The following SAGE1 variants were observed in gnomAD, a reference collection of about 807,000 sequenced individuals.
The protein encoded by SAGE1 is sarcoma antigen 1, also known as cancer/testis antigen 14.
Under a neutral mutation model 55.4 loss-of-function variants are expected in SAGE1, and 55 were observed. The ratio of observed to expected loss-of-function variants is 0.99; its 90% confidence interval spans 0.80 to 1.24. The LOEUF is 1.24. SAGE1 is among the 50% of genes most tolerant of loss of function. The pLI, the probability that SAGE1 is intolerant of heterozygous loss-of-function variation, is 0.00. For missense variants in SAGE1, 710 were observed against 704.4 expected, an observed-to-expected ratio of 1.01 and a Z score of -0.09; for synonymous variants, 240 against 244.3, an observed-to-expected ratio of 0.98 and a Z score of 0.17.
intron 19 of SAGE1, 49 bp from the exon 20 acceptor site, chrX:135,912,747 CAT>C (rs782156863): frequency 8.4e-7 from 1 of 1,191,296 alleles, no homozygotes; most frequent in Admixed American, 2.3e-5. Flanking sequence ...TCTTACATCT[CAT>C]AGATCCTGTA....
At chrX:135,896,405 A>G in intron 2 of SAGE1, 76 bp downstream of exon 2, 3 of 679,693 alleles carry the variant, frequency 4.4e-6, no homozygotes. Context: ...AAAGATGAAT[A>G]TAAACTATAT....
chrX:135,904,988 G>A (rs2088759492), intron 4 of SAGE1, among the ~76,000 whole-genome samples: 1 of 111,610 alleles, frequency 9.0e-6, no homozygotes, highest in South Asian at 3.9e-4. Flanking sequence ...TTCCAGCGAT[G>A]AGTACCAGGG....
At position 135,908,932 on chromosome X, in the gene SAGE1, A is replaced by C. The variant is rs1556604263; in HGVS notation, c.1510A>C (p.Ile504Leu). ...TGGCAAACCCCAAACTGATAAGGTC[A>C]TATCAAATGATGCACCACAGCTTGG... ...ESGKPQTDKV[I>L]SNDAPQLGHM... Residue 504 changes from isoleucine (I) to leucine (L), a missense_variant, in exon 13 of 20, where the codon ATA (isoleucine) becomes CTA (leucine). Coordinates refer to ENST00000370709, the MANE Select transcript of SAGE1 (RefSeq NM_001381902.1). 8.3e-7 allele frequency: 1 copy of C among 1,207,809 alleles called. No individual in the cohort carries two copies.
chrX:135,903,520 G>A (rs1212504199), intron 3 of SAGE1, among the ~76,000 whole-genome samples: 2 of 112,847 alleles, frequency 1.8e-5, no homozygotes, highest in Non-Finnish European at 3.7e-5. Flanking sequence ...AAATGAAAGA[G>A]GCGTCAGACC....
At position 135,908,589 on chromosome X, in the gene SAGE1, T is replaced by TA; in HGVS notation, c.1414dup (p.Ile472AsnfsTer19). 1 of 1,203,127 alleles carries TA rather than the reference T, an allele frequency of 8.3e-7. No individual in the cohort carries two copies. Among genetic ancestry groups the TA allele is most frequent in the Non-Finnish European group, 1.1e-6 (1 of 891,802 alleles). ...GGCTTATTAATATGGCAGGAGCTAGTATTCCAGCAATGAGTTCCAGGGATC... is the reference window on the plus strand; with the variant it reads ...GGCTTATTAATATGGCAGGAGCTAGTAATTCCAGCAATGAGTTCCAGGGATC... On this transcript the variant is annotated frameshift_variant, in exon 12 of 20. Transcript: ENST00000370709. LOFTEE classifies it high-confidence loss of function.
At chrX:135,906,803 G>A in intron 7 of SAGE1, 123 bp from the exon 8 acceptor site, 1 of 962,107 alleles carries the variant, frequency 1.0e-6, no homozygotes. Flanking sequence ...GTCTCGTATG[G>A]CAACCTGGTA....
At chrX:135,894,550 T>A (rs1427694972) in intron 1 of SAGE1, among the ~76,000 whole-genome samples, 1 of 111,642 alleles carries the variant, frequency 9.0e-6, no homozygotes, top group African/African-American at 3.3e-5. Flanking sequence ...TCTATTTTTC[T>A]TGGTCAGTCA....
Position 135,910,450 on chromosome X carries a change from A to T in SAGE1, c.1900A>T (p.Ile634Leu), listed in dbSNP as rs193225560. The change falls in exon 16 of 20, where the codon ATA (isoleucine) becomes TTA (leucine). Residue 634 changes from isoleucine to leucine, a missense_variant. Ile to Leu is a conservative substitution (Grantham distance 5). Coordinates refer to ENST00000370709, the MANE Select transcript of SAGE1 (RefSeq NM_001381902.1). ...AVTHNIREEKINNSQPAPGNI... is the reference protein window; with the variant it reads ...AVTHNIREEKLNNSQPAPGNI... ...CACTCACAACATCCGTGAAGAGAAG[A>T]TAAATAACAGCCAACCAGCACCTGG... 8.3e-7 allele frequency: 1 copy of T among 1,209,078 alleles called. No individual in the cohort carries two copies. The highest frequency in any genetic ancestry group is 1.1e-6 in the Non-Finnish European group (1 of 894,514).
intron 2 of SAGE1, among the ~76,000 whole-genome samples, chrX:135,900,552 T>C (rs1556595918): frequency 9.0e-6 from 1 of 111,177 alleles, no homozygotes; most frequent in African/African-American, 3.3e-5. Flanking sequence ...TGGAATAGTT[T>C]CGGTAGTAAT....
chrX:135,908,548 T>C lies in SAGE1; in HGVS notation c.1372T>C (p.Ser458Pro), dbSNP rs782254396. 30 of 1,206,213 alleles carry C rather than the reference T, an allele frequency of 2.5e-5. No individual in the cohort carries two copies. The highest frequency in any genetic ancestry group is 3.2e-5 in the Non-Finnish European group (29 of 892,785). ...CCAACGAAAACAGGATAACGTCTTG[T>C]CAAATGTTCTATCCGGGCTTATTAA... ...NGQRKQDNVL[S>P]NVLSGLINMA... Residue 458 changes from serine (S) to proline (P), a missense_variant, in exon 12 of 20, where the codon TCA becomes CCA. By Grantham distance (74) the Ser-to-Pro change is moderately conservative. Transcript: ENST00000370709.
rs781809181 is a variant in SAGE1 at position 135,911,510 on chromosome X, G to A, written c.2147-69G>A. On this transcript the variant is annotated intron_variant, in intron 17 of 19. Coordinates refer to ENST00000370709, the MANE Select transcript of SAGE1 (RefSeq NM_001381902.1). ...GATAACTCCCTAGAAACTGGGCATC[G>A]GAGGGATATACTGTGGGGGTGACAT... The A allele has an allele frequency of 5.6e-5, 52 of 923,434 alleles. No homozygotes were observed. In the South Asian group the frequency reaches 1.1e-3, roughly 20 times the overall value. 76.1% of individuals were successfully genotyped at this position (923,434 alleles called of 1,213,427 possible).
chrX:135,907,384 T>C lies in SAGE1; in HGVS notation c.949T>C (p.Ser317Pro). 1.7e-6 allele frequency: 2 copies of C among 1,205,973 alleles called. No homozygotes were observed. Among genetic ancestry groups the C allele is most frequent in the South Asian group, 1.8e-5 (1 of 56,596 alleles). Residue 317 changes from serine to proline, a missense_variant, in exon 9 of 20, where the codon TCA becomes CCA. Transcript: ENST00000370709. The part of the protein sequence containing the change: ...NDQPQPNNVL[S>P]TVQPVIIYLT... ...CCAACCGCAACCTAATAACGTATTG[T>C]CAACTGTTCAACCAGTGATTATTTA...
rs1446354685 is a variant in SAGE1, at chrX:135,909,795, C to G, written c.1723+16C>G. On this transcript the variant is annotated intron_variant, in intron 14 of 19. Transcript: ENST00000370709. ...AGGGATCAGTGTATGTTTGCTTATT[C>G]AGTTGTACTGTCCTACTTGGTTTTC... 6.8e-6 allele frequency: 8 copies of G among 1,173,363 alleles called. No individual in the cohort carries two copies. The highest frequency in any genetic ancestry group is 9.2e-6 in the Non-Finnish European group (8 of 873,870).
chrX:135,905,142 T>C, intron 4 of SAGE1, 110 bp from the exon 5 acceptor site: 2 of 717,561 alleles, frequency 2.8e-6, no homozygotes, highest in East Asian at 6.5e-5. Flanking sequence ...TATGATGTAT[T>C]CTCCTGCATT....
chrX:135,912,259 T>C, intron 18 of SAGE1, 62 bp from the exon 19 acceptor site: 1 of 1,162,634 alleles, frequency 8.6e-7, no homozygotes, highest in Non-Finnish European at 1.1e-6. Flanking sequence ...GTGGATGCAC[T>C]AAGATTGAGG....
chrX:135,912,179 TGTC>T (rs2088910257), intron 18 of SAGE1, 139 bp from the exon 19 acceptor site: 3 of 1,092,341 alleles, frequency 2.7e-6, no homozygotes, highest in East Asian at 6.6e-5. Flanking sequence ...AATATACAGA[TGTC>T]GTGATTTAAG....
chrX:135,905,480 A>C, intron 5 of SAGE1, 88 bp downstream of exon 5: 1 of 923,984 alleles, frequency 1.1e-6, no homozygotes, highest in African/African-American at 1.9e-5. Context: ...TTTGTTGCAT[A>C]TACTTTCCTA....
intron 11 of SAGE1, 36 bp downstream of exon 11, chrX:135,908,265 T>C (rs782400144): frequency 2.0e-5 from 23 of 1,154,699 alleles, no homozygotes; most frequent in Non-Finnish European, 2.7e-5. Flanking sequence ...TCCTACTTGG[T>C]TTCCATATGA....
chrX:135,900,517 T>A lies in SAGE1; in HGVS notation c.88-1042T>A, dbSNP rs189277891. ...TGCTGGTCTCATAAAATGAGTTAGG[T>A]AGGAGTCCCTCCTTTTTAATTTTTT... is the stretch of plus-strand genomic sequence containing the variant. On this transcript the variant is annotated intron_variant, in intron 2 of 19. Transcript: ENST00000370709. 2.1e-3 allele frequency among the ~76,000 whole-genome samples: 238 copies of A among 111,289 alleles called. 3 individuals are homozygous for A. Among genetic ancestry groups the A allele is most frequent in the Admixed American group, 0.019 (194 of 10,464 alleles).
Sources: gnomAD v4.1 joint callset for allele counts (sites outside exome capture counted in the v4.1 genomes callset) on GRCh38, gnomAD v4.1.1 for gene constraint, MANE v1.5 for transcripts, NCBI Gene and HGNC (gene_info 2026-07-23, HGNC 2026-07-21) for gene names.